DST: variants seen among roughly 807,000 people sequenced by gnomAD.
DST encodes bullous pemphigoid antigen.
Under a neutral mutation model 875.2 loss-of-function variants are expected in DST, and 253 were observed. The observed-to-expected ratio is 0.29, with a 90% CI of 0.26 to 0.32. DST has a LOEUF of 0.32. Ranked by LOEUF, DST falls within the 10% of genes least tolerant of loss-of-function variation. The probability of loss-of-function intolerance (pLI) is 1.00; values close to 1 mark genes in which losing one functional copy is unlikely to be tolerated. For missense variants in DST, 8,287 were observed against 9,111.6 expected (o/e 0.91, Z 3.68); for synonymous variants, 3,124 against 3,197.1 (o/e 0.98, Z 0.77).
At chr6:56,476,820 C>T (rs756370393) in intron 91 of DST, among the ~76,000 whole-genome samples, 32 of 151,768 alleles carry the variant, frequency 2.1e-4, no homozygotes, top group Non-Finnish European at 4.4e-4. Context: ...GGCATGGTGG[C>T]ACGCGCCTGT....
intron 4 of DST, among the ~76,000 whole-genome samples, chr6:56,779,074 T>C (rs2152988041): frequency 6.6e-6 from 1 of 152,208 alleles, no homozygotes. Flanking sequence ...ATGATCACCA[T>C]TCTAACTGGT....
chr6:56,637,720 A>C (rs1425294318), intron 22 of DST, among the ~76,000 whole-genome samples: 1 of 152,164 alleles, frequency 6.6e-6, no homozygotes. Context: ...AGGAAACATG[A>C]AATACTCTTT....
At chr6:56,695,306 A>G (rs1319363000) in intron 9 of DST, among the ~76,000 whole-genome samples, 1 of 152,032 alleles carries the variant, frequency 6.6e-6, no homozygotes, top group Non-Finnish European at 1.5e-5. Flanking sequence ...TGTCTCTTAT[A>G]CAGCCTGCAG....
intron 27 of DST, among the ~76,000 whole-genome samples, 196 bp from the exon 28 acceptor site, chr6:56,633,233 C>CTTTTTTTTGT (rs2098796695): frequency 7.2e-6 from 1 of 138,720 alleles, no homozygotes; most frequent in African/African-American, 3.0e-5. Context: ...GAGTTTCACT[C>CTTTTTTTTGT]TTTTTTTTTT....
intron 4 of DST, among the ~76,000 whole-genome samples, chr6:56,749,256 A>G (rs147004058): frequency 1.3e-3 from 203 of 152,270 alleles, no homozygotes; most frequent in African/African-American, 4.6e-3. Flanking sequence ...CAGGAGGCTG[A>G]GGCAGGAGAA....
At position 56,552,915 on chromosome 6, in the gene DST, T is replaced by C. The variant is rs888556461; in HGVS notation, c.15877A>G (p.Lys5293Glu). 3.1e-6 allele frequency: 5 copies of C among 1,614,034 alleles called. No individual in the cohort carries two copies. Among genetic ancestry groups the C allele is most frequent in the Middle Eastern group, 1.6e-4 (1 of 6,062 alleles). ...GAATCATGGATATCTAGCTGCTCCTTTGCACACTGAAGCTGCCTTTTAGAT... is the reference window on the plus strand; with the variant it reads ...GAATCATGGATATCTAGCTGCTCCTCTGCACACTGAAGCTGCCTTTTAGAT... ...KESKRQLQCA[K>E]EQLDIHDSLG... The change falls in exon 61 of 104, where the codon AAG (lysine) becomes GAG (glutamate). Residue 5293 changes from lysine to glutamate, a missense_variant. Lys to Glu is a moderately conservative substitution (Grantham distance 56). Transcript: ENST00000680361.
chr6:56,527,122 C>T (rs938201404), intron 68 of DST, among the ~76,000 whole-genome samples: 3 of 152,066 alleles, frequency 2.0e-5, no homozygotes, highest in African/African-American at 4.8e-5. Context: ...CAGTGTATTA[C>T]GTTTGTGATA....
Position 56,573,057 on chromosome 6 carries a change from TC to T in DST, c.13243del (p.Glu4415AsnfsTer11). ...QDIISKNIML[E>X]QDIAGRQSSI... is the part of the protein sequence containing the mutation. ...GCTCTGACGACCTGCAATATCCTGT[TC>T]CAACATCTAAAATAAACCAAATATT... On this transcript the variant is annotated frameshift_variant, in exon 52 of 104. Transcript: ENST00000680361. LOFTEE classifies it high-confidence loss of function. 1 of 1,554,244 alleles carries T rather than the reference TC, an allele frequency of 6.4e-7. No individual in the cohort carries two copies. The highest frequency in any genetic ancestry group is 8.7e-7 in the Non-Finnish European group (1 of 1,152,954).
chr6:56,891,565 CAAAAAAAAAAAA>C (rs531964301), intron 3 of DST, among the ~76,000 whole-genome samples: 1 of 62,692 alleles, frequency 1.6e-5, no homozygotes, highest in East Asian at 4.9e-4. Context: ...GACTCCGTCT[CAAAAAAAAAAAA>C]AAAAAAAAAA....
rs1416006559 is a variant in DST at position 56,716,943 on chromosome 6, A to G, written c.688-12574T>C. Among the ~76,000 whole-genome samples, 3 of 152,296 alleles carry G rather than the reference A, an allele frequency of 2.0e-5. No homozygotes were observed. In the East Asian group the frequency reaches 5.8e-4, roughly 29 times the overall value. On this transcript the variant is annotated intron_variant, in intron 5 of 103. Transcript: ENST00000680361. ...ACGCCTGTAATCCCAGCACCTTGGG[A>G]GGCCAAGGCGGGCGGATCACGAGGT...
intron 3 of DST, among the ~76,000 whole-genome samples, chr6:56,884,339 T>C (rs1783633140): frequency 6.6e-6 from 1 of 152,188 alleles, no homozygotes. Flanking sequence ...CACCTCAACT[T>C]AGCTAAATCC....
chr6:56,500,696 G>A (rs551883717), intron 80 of DST, among the ~76,000 whole-genome samples: 18 of 152,182 alleles, frequency 1.2e-4, no homozygotes, highest in African/African-American at 4.3e-4. Flanking sequence ...ACCTGCAGTA[G>A]GACATTTTCA....
In DST at chr6:56,513,232, C is replaced by CTT. The variant is rs5876513; in HGVS notation, c.18577-1834_18577-1833dup. ...TGGCTTGGCAAGTAGTGAGAGGAGCCTTTTTTTTTTTTTTTAAGACAGAGT... is the reference window on the plus strand; with the variant it reads ...TGGCTTGGCAAGTAGTGAGAGGAGCCTTTTTTTTTTTTTTTTTAAGACAGAGT... On this transcript the variant is annotated intron_variant, in intron 72 of 103. Coordinates refer to ENST00000680361, the MANE Select transcript of DST (RefSeq NM_001374736.1). 5.9e-3 allele frequency among the ~76,000 whole-genome samples: 835 copies of CTT among 142,064 alleles called. 6 individuals are homozygous for CTT. Among genetic ancestry groups the CTT allele is most frequent in the Admixed American group, 0.011 (163 of 14,396 alleles). 93.2% of individuals were successfully genotyped at this position (142,064 alleles called of 152,430 possible).
Position 56,606,887 on chromosome 6 carries a change from G to A in DST, c.7741C>T (p.Leu2581Phe). 1 of 1,613,326 alleles carries A rather than the reference G, an allele frequency of 6.2e-7. No individual in the cohort carries two copies. The highest frequency in any genetic ancestry group is 8.5e-7 in the Non-Finnish European group (1 of 1,179,558). ...TCACTAGCACTGATGGTTTCATCAA[G>A]CAATGGTGTAGCACAAGTAAGAGAC... ...IVSLTCATPLLDETISASDYE... is the reference protein window; with the variant it reads ...IVSLTCATPLFDETISASDYE... Residue 2581 changes from leucine (L) to phenylalanine (F), a missense_variant, in exon 40 of 104, where the codon CTT becomes TTT. Physicochemically the swap from Leu to Phe is conservative, Grantham distance 22. Around this residue, in one of 10 missense-constraint regions of DST, gnomAD observed 3,138 missense variants for 3,116.6 expected, o/e 1.01. Coordinates refer to ENST00000680361, the MANE Select transcript of DST (RefSeq NM_001374736.1).
At chr6:56,872,362 T>C (rs910049834) in intron 3 of DST, among the ~76,000 whole-genome samples, 1 of 152,134 alleles carries the variant, frequency 6.6e-6, no homozygotes, top group Non-Finnish European at 1.5e-5. Flanking sequence ...AATTTTAAAA[T>C]TAAAATTTTT....
intron 73 of DST, among the ~76,000 whole-genome samples, chr6:56,510,169 G>A (rs894284407): frequency 1.3e-5 from 2 of 152,082 alleles, no homozygotes; most frequent in Non-Finnish European, 2.9e-5. Context: ...GGACCAGGAC[G>A]ACATGGCAGC....
At chr6:56,691,333 A>G (rs1168905520) in intron 9 of DST, among the ~76,000 whole-genome samples, 1 of 152,182 alleles carries the variant, frequency 6.6e-6, no homozygotes, top group Admixed American at 6.6e-5. Flanking sequence ...ATATAAACAG[A>G]ACTGATGGCA....
intron 36 of DST, chr6:56,616,047 T>C: frequency 1.2e-6 from 2 of 1,614,212 alleles, no homozygotes; most frequent in Non-Finnish European, 1.7e-6. Flanking sequence ...AGGGCAGTAA[T>C]CCGATCAACC....
intron 2 of DST, among the ~76,000 whole-genome samples, chr6:56,943,414 TTTTC>T (rs1817713782): frequency 6.6e-6 from 1 of 151,144 alleles, no homozygotes; most frequent in Non-Finnish European, 1.5e-5. Context: ...TTTCAACTCA[TTTTC>T]TTTTTCTTTT....
Sources: gnomAD v4.1 joint callset for allele counts (sites outside exome capture counted in the v4.1 genomes callset) on GRCh38, gnomAD v4.1.1 for gene constraint, gnomAD v4.1.1 regional missense constraint, MANE v1.5 for transcripts, NCBI Gene and HGNC (gene_info 2026-07-23, HGNC 2026-07-21) for gene names.